The following CHD8 variants were observed in gnomAD, a reference collection of about 807,000 sequenced individuals.
The protein encoded by CHD8 is ATP-dependent chromatin remodeler CHD8.
A neutral mutation model predicts 279.2 loss-of-function variants in CHD8; 31 were observed. The ratio of observed to expected loss-of-function variants is 0.11; its 90% confidence interval spans 0.08 to 0.15. The LOEUF (loss-of-function observed/expected upper bound fraction) is 0.15. CHD8 is among the 10% of genes least tolerant of loss of function. The pLI, the probability that CHD8 is intolerant of heterozygous loss-of-function variation, is 1.00. For missense variants in CHD8, 2,146 were observed against 3,230.5 expected (o/e 0.66, Z 8.14); for synonymous variants, 1,081 against 1,139.6 (o/e 0.95, Z 1.04).
chr14:21,435,696 T>C (rs927201808), intron 1 of CHD8, among the ~76,000 whole-genome samples: 1 of 152,190 alleles, frequency 6.6e-6, no homozygotes, highest in African/African-American at 2.4e-5. Flanking sequence ...AAATGTGCAG[T>C]TCTTAAAGGT....
Position 21,385,537 on chromosome 14 carries a change from C to T in CHD8, c.*76G>A. 1 of 1,465,794 alleles carries T rather than the reference C, an allele frequency of 6.8e-7. No homozygotes were observed. The highest frequency in any genetic ancestry group is 9.0e-7 in the Non-Finnish European group (1 of 1,110,008). 90.8% of individuals were successfully genotyped at this position (1,465,794 alleles called of 1,614,324 possible). A position where few individuals can be genotyped will look rare whatever the true frequency, so the allele number is the denominator to read the frequency against. On this transcript the variant is annotated 3_prime_UTR_variant, in exon 38 of 38. Transcript: ENST00000646647. ...TTCCCCACATCTCCCCTGCCCCTCC[C>T]ACGTTTCCATAGTCCAAGGGCCAGA... is the stretch of plus-strand genomic sequence containing the variant.
chr14:21,427,916 C>G lies in CHD8; in HGVS notation c.1554G>C (p.Lys518Asn). The G allele has an allele frequency of 6.2e-7, 1 of 1,614,058 alleles. No individual in the cohort carries two copies. Among genetic ancestry groups the G allele is most frequent in the Non-Finnish European group, 8.5e-7 (1 of 1,179,910 alleles). ...GERLKEEKPKKSKTSGASKTK... is the reference protein window; with the variant it reads ...GERLKEEKPKNSKTSGASKTK... ...TTTTGGAGGCACCAGATGTTTTACT[C>G]TTCTTTGGCTTCTCCTCTTTCAGCC... The change falls in exon 4 of 38, where the codon AAG (lysine) becomes AAC (asparagine). Residue 518 changes from lysine (K) to asparagine (N), a missense_variant. Physicochemically the swap from Lys to Asn is moderately conservative, Grantham distance 94 (BLOSUM62 0). Coordinates refer to ENST00000646647, the MANE Select transcript of CHD8 (RefSeq NM_001170629.2).
chr14:21,386,201 T>C (rs1302466755), intron 37 of CHD8, 25 bp from the exon 38 acceptor site: 28 of 1,522,632 alleles, frequency 1.8e-5, no homozygotes, highest in Non-Finnish European at 2.5e-5. Flanking sequence ...TAGAAGATAA[T>C]AAAAAGAAAG....
chr14:21,428,348 C>A, intron 3 of CHD8, 94 bp from the exon 4 acceptor site: 1 of 1,084,782 alleles, frequency 9.2e-7, no homozygotes, highest in Non-Finnish European at 1.3e-6. Flanking sequence ...GAAACTAGTT[C>A]TTTAATCCCT....
At chr14:21,448,589 C>T (rs1418599879) in intron 1 of CHD8, among the ~76,000 whole-genome samples, 1 of 152,026 alleles carries the variant, frequency 6.6e-6, no homozygotes, top group South Asian at 2.1e-4. Flanking sequence ...GAGACACCGT[C>T]TTAGTCACCC....
intron 1 of CHD8, among the ~76,000 whole-genome samples, chr14:21,453,001 C>T (rs1450473839): frequency 6.7e-6 from 1 of 149,826 alleles, no homozygotes; most frequent in Non-Finnish European, 1.5e-5. Context: ...AAAAAGAAAA[C>T]AAAAAACAAA....
intron 20 of CHD8, 122 bp from the exon 21 acceptor site, chr14:21,401,635 G>T (rs931244591): frequency 1.5e-6 from 1 of 647,008 alleles, no homozygotes; most frequent in South Asian, 2.2e-5. Flanking sequence ...CCCAGGCTGG[G>T]GTACAGTGGC....
chr14:21,437,148 A>G (rs1289237266), intron 1 of CHD8: 2 of 1,074,384 alleles, frequency 1.9e-6, no homozygotes, highest in East Asian at 1.2e-4. Flanking sequence ...CCTGAAGGAG[A>G]AAACGAGCTG....
chr14:21,438,606 G>T (rs1475408975), intron 1 of CHD8, among the ~76,000 whole-genome samples: 1 of 151,770 alleles, frequency 6.6e-6, no homozygotes, highest in African/African-American at 2.4e-5. Context: ...AGAGCGAGGC[G>T]GGCAGACCAC....
intron 1 of CHD8, among the ~76,000 whole-genome samples, chr14:21,446,749 T>C (rs1476482706): frequency 1.3e-5 from 2 of 152,250 alleles, no homozygotes; most frequent in African/African-American, 4.8e-5. Context: ...ATTTAGGCAG[T>C]GTAGCTCCAG....
chr14:21,389,632 A>C (rs1287697022), intron 37 of CHD8, among the ~76,000 whole-genome samples: 1 of 152,166 alleles, frequency 6.6e-6, no homozygotes, highest in East Asian at 1.9e-4. Context: ...AGATTAAAAA[A>C]CAAATACAAC....
chr14:21,407,073 T>A, intron 13 of CHD8, 41 bp from the exon 14 acceptor site: 1 of 1,491,306 alleles, frequency 6.7e-7, no homozygotes, highest in Non-Finnish European at 9.0e-7. Context: ...ACCAAAAATG[T>A]ACCTAAATGA....
intron 5 of CHD8, among the ~76,000 whole-genome samples, chr14:21,422,608 C>T (rs926851716): frequency 3.3e-5 from 5 of 151,984 alleles, no homozygotes; most frequent in Admixed American, 6.6e-5. Context: ...ACAGAATACC[C>T]GGGACTGGGT....
At position 21,403,092 on chromosome 14, in the gene CHD8, T is replaced by C; in HGVS notation, c.3639A>G (p.Gly1213=). The C allele has an allele frequency of 6.2e-7, 1 of 1,614,018 alleles. No homozygotes were observed. The highest frequency in any genetic ancestry group is 8.5e-7 in the Non-Finnish European group (1 of 1,179,914). Residue 1213 remains glycine (G), a synonymous_variant, in exon 18 of 38, where the codon GGA becomes GGG. Transcript: ENST00000646647. The surrounding 1 kb of genome is among the most constrained non-coding windows in gnomAD (Gnocchi z 4.3). ...CAGCAGCTGTAAGATTAATACCAAG[T>C]CCACCAGCCCGGGTACACAGTAAGA... ...FVFLLCTRAG[G]LGINLTAADT...
intron 1 of CHD8, among the ~76,000 whole-genome samples, chr14:21,435,278 C>T (rs117285927): frequency 6.6e-6 from 1 of 152,258 alleles, no homozygotes; most frequent in East Asian, 1.9e-4. Context: ...AATCCAAGCC[C>T]ATCTATCTAT....
intron 1 of CHD8, among the ~76,000 whole-genome samples, chr14:21,437,916 C>A (rs1470236287): frequency 6.6e-6 from 1 of 152,136 alleles, no homozygotes; most frequent in Non-Finnish European, 1.5e-5. Flanking sequence ...AACTCGGTTT[C>A]CTGTTCTCCC....
intron 29 of CHD8, 63 bp from the exon 30 acceptor site, chr14:21,395,182 T>C (rs1887723175): frequency 6.4e-7 from 1 of 1,553,080 alleles, no homozygotes; most frequent in Non-Finnish European, 8.8e-7. Flanking sequence ...AATACTAGTA[T>C]TTTAACCCAC....
At chr14:21,392,396 C>A in intron 34 of CHD8, 111 bp downstream of exon 34, 1 of 1,112,544 alleles carries the variant, frequency 9.0e-7, no homozygotes, top group Admixed American at 2.2e-5. Context: ...TCTGTTTTCT[C>A]ATTTTTAAAA....
chr14:21,435,218 G>A (rs1189959491), intron 1 of CHD8, among the ~76,000 whole-genome samples: 1 of 152,226 alleles, frequency 6.6e-6, no homozygotes, highest in Non-Finnish European at 1.5e-5. Context: ...TGTAGGGGGT[G>A]AGGGATGGCA....
Sources: gnomAD v4.1 joint callset for allele counts (sites outside exome capture counted in the v4.1 genomes callset) on GRCh38, gnomAD v4.1.1 for gene constraint, Gnocchi (gnomAD v3.1) non-coding constraint, MANE v1.5 for transcripts, NCBI Gene and HGNC (gene_info 2026-07-23, HGNC 2026-07-21) for gene names.